The following NBPF8 variants were observed in gnomAD, a reference collection of about 807,000 sequenced individuals.
The protein encoded by NBPF8 is NBPF family member NBPF8.
intron 17 of NBPF8, 54 bp from the exon 16 acceptor site, chr1:120,460,519 G>T: frequency 2.0e-6 from 2 of 984,542 alleles, no homozygotes; most frequent in Non-Finnish European, 3.2e-6. Flanking sequence ...GAATGTTTCT[G>T]TGTGCAAGGA....
At chr1:120,466,179 T>G in exon 25 of NBPF8, 1 of 1,609,582 alleles carries the variant, frequency 6.2e-7, no homozygotes, top group East Asian at 2.2e-5. Flanking sequence ...CGGTGACAAG[T>G]CTCTATCTGG....
intron 13 of NBPF8, among the ~76,000 whole-genome samples, chr1:120,452,629 G>A (rs1175059247): frequency 6.6e-6 from 1 of 152,206 alleles, no homozygotes; most frequent in African/African-American, 2.4e-5. Flanking sequence ...GCTTGTTAGA[G>A]TGAAAAGAGC....
chr1:120,418,624 C>A (rs1660490175), upstream of NBPF8, among the ~76,000 whole-genome samples: 1 of 137,514 alleles, frequency 7.3e-6, no homozygotes, highest in Non-Finnish European at 1.5e-5. Context: ...GATCATGGGT[C>A]TCTGCAGCCT....
chr1:120,421,628 A>AT (rs1660580714), intron 1 of NBPF8, among the ~76,000 whole-genome samples: 1 of 132,314 alleles, frequency 7.6e-6, no homozygotes, highest in African/African-American at 2.8e-5. Flanking sequence ...TTTTTGTTCT[A>AT]CTTTTTTAAA....
At chr1:120,463,387 G>T (rs1473927200) in intron 21 of NBPF8, among the ~76,000 whole-genome samples, 1 of 113,848 alleles carries the variant, frequency 8.8e-6, no homozygotes, top group Admixed American at 8.8e-5. Flanking sequence ...ATCATCTGGG[G>T]CATTTTCTTT....
chr1:120,428,347 G>A (rs1368335577), intron 3 of NBPF8, among the ~76,000 whole-genome samples: 5 of 152,140 alleles, frequency 3.3e-5, no homozygotes, highest in Non-Finnish European at 4.4e-5. Flanking sequence ...AAACAAAGTA[G>A]CCAAAAAGAA....
intron 1 of NBPF8, among the ~76,000 whole-genome samples, chr1:120,425,712 C>T (rs1273903071): frequency 5.3e-5 from 8 of 150,148 alleles, no homozygotes; most frequent in East Asian, 2.0e-4. Context: ...GGAGGGGCAA[C>T]CCATCCCTTC....
intron 3 of NBPF8, among the ~76,000 whole-genome samples, chr1:120,428,359 C>G (rs1357965051): frequency 0.01 from 1,554 of 152,258 alleles, 13 homozygotes; most frequent in Non-Finnish European, 0.016. Context: ...CAAAAAGAAA[C>G]CAGAGTCACA....
In NBPF8 at chr1:120,456,074, C is replaced by T. The variant is rs148725339; in HGVS notation, n.2620+614C>T. ...GTTGTTCAGTTTCCATGTAGTTGTG[C>T]GGTTTTGAGTGAGTTTCTTAATCCT... is the stretch of plus-strand genomic sequence containing the variant. On this transcript the variant is annotated intron_variant and non_coding_transcript_variant, in intron 16 of 24. Coordinates refer to ENST00000583271, the Ensembl canonical transcript of NBPF8. Among the ~76,000 whole-genome samples the T allele has an allele frequency of 4.6e-4, 70 of 151,950 alleles. 1 individual carries two copies. The East Asian group carries it at 0.011, about 23-fold the overall frequency.
chr1:120,433,699 T>A (rs1396974785), upstream of NBPF8: 1 of 220,166 alleles, frequency 4.5e-6, no homozygotes, highest in African/African-American at 2.3e-5. Context: ...TAACATTACT[T>A]GTCGATGAAA....
In NBPF8 at chr1:120,457,754, C is replaced by T. The variant is rs1258969897; in HGVS notation, n.2621-1613C>T. On this transcript the variant is annotated intron_variant and non_coding_transcript_variant, in intron 16 of 24. Transcript: ENST00000583271. ...AAAAAAAAATATATATATATATATA[C>T]ATACACACAAAAAATAATAAAGGAA... Among the ~76,000 whole-genome samples, 17 of 60,098 alleles carry T rather than the reference C, an allele frequency of 2.8e-4. 3 individuals carry two copies. Among genetic ancestry groups the T allele is most frequent in the African/African-American group, 1.5e-3 (13 of 8,650 alleles). The allele number at this position is 60,098 out of a possible 152,430, so 39.4% of individuals were successfully genotyped here. A position where few individuals can be genotyped will look rare whatever the true frequency, so the allele number is the denominator to read the frequency against.
At chr1:120,457,777 G>A (rs1290643133) in intron 16 of NBPF8, among the ~76,000 whole-genome samples, 4 of 56,690 alleles carry the variant, frequency 7.1e-5, no homozygotes, top group African/African-American at 2.6e-4. Context: ...AATAATAAAG[G>A]AAAACTATAC....
At chr1:120,452,549 G>A (rs1215530029) in intron 13 of NBPF8, among the ~76,000 whole-genome samples, 5,102 of 152,104 alleles carry the variant, frequency 0.034, 279 homozygotes, top group African/African-American at 0.12. Flanking sequence ...TTGATGGAAG[G>A]TGGTCTCTGG....
At chr1:120,452,486 G>A (rs1661309200) in intron 13 of NBPF8, among the ~76,000 whole-genome samples, 155 bp downstream of exon 11, 1 of 151,940 alleles carries the variant, frequency 6.6e-6, no homozygotes, top group Admixed American at 6.5e-5. Flanking sequence ...TAAGAACGGA[G>A]ATGGGAAACC....
chr1:120,425,167 C>A (rs6674668), intron 1 of NBPF8, among the ~76,000 whole-genome samples: 7,527 of 152,142 alleles, frequency 0.049, 264 homozygotes, highest in Non-Finnish European at 0.079. Flanking sequence ...AGCCAGACAC[C>A]CGTAAAGGGT....
chr1:120,454,441 T>C (rs1661376934), intron 15 of NBPF8, among the ~76,000 whole-genome samples: 1 of 151,950 alleles, frequency 6.6e-6, no homozygotes, highest in Non-Finnish European at 1.5e-5. Flanking sequence ...CTGAACAATG[T>C]CCATGGAGTT....
chr1:120,453,584 A>G (rs1361246493), intron 14 of NBPF8, 140 bp downstream of exon 12: 2 of 888,708 alleles, frequency 2.3e-6, no homozygotes, highest in African/African-American at 1.8e-5. Context: ...CCCAGCTTAG[A>G]CACAGGGTGC....
upstream of NBPF8, among the ~76,000 whole-genome samples, chr1:120,415,518 G>A (rs1660409337): frequency 6.6e-6 from 1 of 152,202 alleles, no homozygotes; most frequent in African/African-American, 2.4e-5. Flanking sequence ...GCTGGCGGGT[G>A]TTCTGTGGCA....
upstream of NBPF8, chr1:120,433,640 G>A (rs1372504640): frequency 3.9e-5 from 7 of 179,126 alleles, no homozygotes; most frequent in South Asian, 6.2e-4. Context: ...GGAGTGGAAG[G>A]AACAAAGGAG....
Sources: allele counts gnomAD v4.1 joint callset (sites outside exome capture counted in the v4.1 genomes callset), GRCh38; gene constraint gnomAD v4.1.1; transcripts MANE v1.5; gene names NCBI Gene and HGNC (gene_info 2026-07-23, HGNC 2026-07-21).